MGAM: variants seen among roughly 807,000 people sequenced by gnomAD.
The protein encoded by MGAM is maltase-glucoamylase, also known as alpha-1,4-glucosidase.
MGAM carries 253 observed loss-of-function variants against 358.8 expected under a neutral mutation model. That is an observed-to-expected ratio of 0.71 (90% CI 0.64 to 0.78). The LOEUF (loss-of-function observed/expected upper bound fraction) is 0.78. MGAM is among the 30% of genes least tolerant of loss of function. The probability of loss-of-function intolerance (pLI) is 0.00; values close to 1 mark genes in which losing one functional copy is unlikely to be tolerated. For synonymous variants in MGAM, 1,105 were observed against 1,227.1 expected, an observed-to-expected ratio of 0.90 and a Z score of 2.08; for missense variants, 3,080 against 3,432.6, an observed-to-expected ratio of 0.90 and a Z score of 2.57.
At chr7:142,049,314 A>C (rs1261866721) in intron 22 of MGAM, among the ~76,000 whole-genome samples, 1 of 152,214 alleles carries the variant, frequency 6.6e-6, no homozygotes, top group Non-Finnish European at 1.5e-5. Flanking sequence ...AGTAAAATTA[A>C]AAACTTAAAT....
At chr7:142,001,291 C>T (rs1222167330) in intron 1 of MGAM, among the ~76,000 whole-genome samples, 3 of 152,266 alleles carry the variant, frequency 2.0e-5, no homozygotes, top group African/African-American at 7.2e-5. Context: ...GAGGGCATTA[C>T]GTTGACTAAC....
chr7:142,040,553 C>A (rs1292403520), intron 20 of MGAM, 169 bp from the exon 21 acceptor site: 15 of 852,540 alleles, frequency 1.8e-5, no homozygotes, highest in Non-Finnish European at 2.7e-5. Context: ...CAACTGGTAG[C>A]AGAACATGTT....
intron 19 of MGAM, 56 bp downstream of exon 19, chr7:142,038,671 G>A (rs1808235496): frequency 1.6e-6 from 2 of 1,283,744 alleles, no homozygotes; most frequent in Admixed American, 2.3e-5. Context: ...CTGCTGCCCT[G>A]CAAACTCCTC....
intron 22 of MGAM, among the ~76,000 whole-genome samples, chr7:142,049,638 G>A (rs1386531131): frequency 6.6e-6 from 1 of 152,118 alleles, no homozygotes; most frequent in Non-Finnish European, 1.5e-5. Context: ...GTGGGTGAAG[G>A]ACCTGAACAG....
At chr7:142,064,936 A>G (rs2129043258) in intron 37 of MGAM, among the ~76,000 whole-genome samples, 1 of 152,310 alleles carries the variant, frequency 6.6e-6, no homozygotes, top group Middle Eastern at 3.4e-3. Flanking sequence ...GGTGGAGGGT[A>G]ACTGGTATTG....
At chr7:142,065,494 T>C in intron 38 of MGAM, 26 bp downstream of exon 38, 1 of 1,613,754 alleles carries the variant, frequency 6.2e-7, no homozygotes, top group South Asian at 1.1e-5. Flanking sequence ...CCCAGGGCCT[T>C]TGCCGACAGG....
intron 14 of MGAM, 132 bp downstream of exon 14, chr7:142,033,041 T>C: frequency 1.8e-6 from 1 of 556,494 alleles, no homozygotes; most frequent in Non-Finnish European, 3.1e-6. Flanking sequence ...ATGTGGGTAA[T>C]ATATAAGGAA....
chr7:142,043,092 ATT>A (rs1170226202), intron 21 of MGAM, among the ~76,000 whole-genome samples: 2 of 67,094 alleles, frequency 3.0e-5, no homozygotes, highest in South Asian at 5.7e-4. Flanking sequence ...TAATATATAT[ATT>A]ATATATACAT....
intron 29 of MGAM, 41 bp from the exon 30 acceptor site, chr7:142,056,789 G>T: frequency 6.3e-7 from 1 of 1,596,866 alleles, no homozygotes; most frequent in East Asian, 2.2e-5. Flanking sequence ...TTCGTGACAT[G>T]GAAGGTGTCC....
At chr7:142,017,486 C>G (rs998991991) in intron 3 of MGAM, among the ~76,000 whole-genome samples, 11 of 152,318 alleles carry the variant, frequency 7.2e-5, no homozygotes, top group Admixed American at 6.5e-5. Context: ...AGTTGGCCAA[C>G]AAAGACTGTT....
chr7:142,026,022 T>A (rs1554460836), intron 8 of MGAM, among the ~76,000 whole-genome samples: 1 of 152,114 alleles, frequency 6.6e-6, no homozygotes, highest in Non-Finnish European at 1.5e-5. Flanking sequence ...GAGTCAGACT[T>A]AGTGGGAAAG....
intron 1 of MGAM, among the ~76,000 whole-genome samples, chr7:141,999,837 G>A (rs1804593503): frequency 6.6e-6 from 1 of 151,884 alleles, no homozygotes; most frequent in Non-Finnish European, 1.5e-5. Flanking sequence ...ATTTCTAATT[G>A]AGATAGGAAG....
In MGAM at chr7:142,021,594, C is replaced by T. The variant is rs1395318473; in HGVS notation, c.567C>T (p.Asp189=). The change falls in exon 6 of 71, where the codon GAC becomes GAT. Residue 189 remains aspartate, a synonymous_variant. Coordinates refer to ENST00000475668, the MANE Select transcript of MGAM (RefSeq NM_001365693.1). ...TTTCTATCTCTGCACAGTTGACTGA[C>T]CAAACCAATAACAGGTTTGAAGTGC... The part of the protein sequence containing the change: ...TSNRFHFKLT[D]QTNNRFEVPH... The T allele has an allele frequency of 1.2e-6, 2 of 1,613,792 alleles. No individual in the cohort carries two copies. The highest frequency in any genetic ancestry group is 1.7e-6 in the Non-Finnish European group (2 of 1,179,776).
rs190136889 is a variant in MGAM at position 142,011,330 on chromosome 7, T to C, written c.327+2625T>C. On this transcript the variant is annotated intron_variant, in intron 3 of 70. Coordinates refer to ENST00000475668, the MANE Select transcript of MGAM (RefSeq NM_001365693.1). The stretch of plus-strand genomic sequence containing the variant: ...TCAATATGTTGGGGATCATGTTTTA[T>C]GATATAGCAGCAAGGGTATTGCATT... Among the ~76,000 whole-genome samples the C allele has an allele frequency of 3.9e-5, 6 of 152,352 alleles. No individual in the cohort carries two copies. The East Asian group carries it at 1.2e-3, about 29-fold the overall frequency.
rs1241807216 is a variant in MGAM at position 142,036,108 on chromosome 7, A to G, written c.1960-61A>G. 5.6e-6 allele frequency: 7 copies of G among 1,259,878 alleles called. No homozygotes were observed. In the Admixed American group the frequency reaches 1.4e-4, roughly 25 times the overall value. 78.0% of individuals were successfully genotyped at this position (1,259,878 alleles called of 1,614,324 possible). A position where few individuals can be genotyped will look rare whatever the true frequency, so the allele number is the denominator to read the frequency against. The stretch of plus-strand genomic sequence containing the variant: ...GGTTCAGTTGGGAGGTCCCTGGTGG[A>G]AAGCAAAGGAGGGTGGTTAGAAGGA... On this transcript the variant is annotated intron_variant, in intron 16 of 70. Coordinates refer to ENST00000475668, the MANE Select transcript of MGAM (RefSeq NM_001365693.1).
Position 142,065,379 on chromosome 7 carries a change from G to T in MGAM, c.4529G>T (p.Arg1510Leu). ...VTGQRGVVIT[R>L]STFPSSGRWA... is the part of the protein sequence containing the mutation. Reference sequence around the variant, plus strand: ...GGACAGCGAGGGGTCGTCATCACCCGCTCCACATTTCCCTCTTCTGGCCGC... The same window carrying T: ...GGACAGCGAGGGGTCGTCATCACCCTCTCCACATTTCCCTCTTCTGGCCGC... Residue 1510 changes from arginine (R) to leucine (L), a missense_variant, in exon 38 of 71, where the codon CGC becomes CTC. This residue lies in a region of MGAM where 134 missense variants were observed against 198.4 expected (regional missense o/e 0.68). Coordinates refer to ENST00000475668, the MANE Select transcript of MGAM (RefSeq NM_001365693.1). 6.2e-7 allele frequency: 1 copy of T among 1,611,052 alleles called. No homozygotes were observed. Among genetic ancestry groups the T allele is most frequent in the African/African-American group, 1.3e-5 (1 of 74,962 alleles).
rs1809927543 is a variant in MGAM at position 142,045,160 on chromosome 7, ATAAT to A, written c.2499-2624_2499-2621del. 7.5e-5 allele frequency among the ~76,000 whole-genome samples: 8 copies of A among 107,006 alleles called. 1 individual carries two copies. Among genetic ancestry groups the A allele is most frequent in the African/African-American group, 1.5e-4 (4 of 26,260 alleles). 70.2% of individuals were successfully genotyped at this position (107,006 alleles called of 152,430 possible). On this transcript the variant is annotated intron_variant, in intron 21 of 70. Coordinates refer to ENST00000475668, the MANE Select transcript of MGAM (RefSeq NM_001365693.1). The stretch of plus-strand genomic sequence containing the variant: ...ATATTATATATCATATATGTGATAT[ATAAT>A]ATATATATTATATAACATATATGAT...
Position 142,105,357 on chromosome 7 carries a change from A to AGCT in MGAM, c.8185-456_8185-454dup, listed in dbSNP as rs1318864788. 2.0e-5 allele frequency among the ~76,000 whole-genome samples: 3 copies of AGCT among 150,940 alleles called. No homozygotes were observed. In the East Asian group the frequency reaches 5.8e-4, roughly 29 times the overall value. On this transcript the variant is annotated intron_variant, in intron 70 of 70. Transcript: ENST00000475668. ...GGCTGAAGTACACTGGTGCAATCTT[A>AGCT]GCTCACTGCAGTCTCCGCCTCCCAA...
Position 142,091,272 on chromosome 7 carries a change from GT to G in MGAM, c.6811-640del, listed in dbSNP as rs1815362821. Among the ~76,000 whole-genome samples, 2 of 140,672 alleles carry G rather than the reference GT, an allele frequency of 1.4e-5. 1 individual carries two copies. Among genetic ancestry groups the G allele is most frequent in the Admixed American group, 1.4e-4 (2 of 13,954 alleles). The allele number at this position is 140,672 out of a possible 152,430, so 92.3% of individuals were successfully genotyped here. A position where few individuals can be genotyped will look rare whatever the true frequency, so the allele number is the denominator to read the frequency against. Reference sequence around the variant, plus strand: ...TCTCAAAAAAAAAAAAAAAGAAGTTGTACCTTTAACCCATCTTGCAGGTTAA... The same window carrying G: ...TCTCAAAAAAAAAAAAAAAGAAGTTGACCTTTAACCCATCTTGCAGGTTAA... On this transcript the variant is annotated intron_variant, in intron 57 of 70. Coordinates refer to ENST00000475668, the MANE Select transcript of MGAM (RefSeq NM_001365693.1).
Sources: gnomAD v4.1 joint callset for allele counts (sites outside exome capture counted in the v4.1 genomes callset) on GRCh38, gnomAD v4.1.1 for gene constraint, gnomAD v4.1.1 regional missense constraint, MANE v1.5 for transcripts, NCBI Gene and HGNC (gene_info 2026-07-23, HGNC 2026-07-21) for gene names.